DIP2B: variants seen among roughly 807,000 people sequenced by gnomAD.
The protein encoded by DIP2B is DIP2 acetate--CoA ligase B (putative).
DIP2B carries 76 observed loss-of-function variants against 198.0 expected under a neutral mutation model. That is an observed-to-expected ratio of 0.38 (90% CI 0.32 to 0.46). DIP2B has a LOEUF of 0.46. Among genes scored for constraint, DIP2B ranks in the 20% least tolerant of loss-of-function variants. DIP2B has a pLI of 0.99. For missense variants in DIP2B, 1,559 were observed against 1,978.4 expected (o/e 0.79, Z 4.02); for synonymous variants, 701 against 739.1 (o/e 0.95, Z 0.84).
intron 1 of DIP2B, among the ~76,000 whole-genome samples, chr12:50,575,600 C>A (rs550854461): frequency 5.1e-4 from 77 of 152,232 alleles, no homozygotes; most frequent in African/African-American, 1.7e-3. Context: ...TTCGCCCAGG[C>A]TAGTCTTGAA....
intron 1 of DIP2B, among the ~76,000 whole-genome samples, chr12:50,541,316 A>G (rs1371265309): frequency 6.6e-6 from 1 of 151,680 alleles, no homozygotes; most frequent in African/African-American, 2.4e-5. Context: ...TTTATCTAAT[A>G]TCAGTCACTC....
chr12:50,672,415 T>A (rs1174470752), intron 5 of DIP2B, among the ~76,000 whole-genome samples: 1 of 152,182 alleles, frequency 6.6e-6, no homozygotes, highest in East Asian at 1.9e-4. Flanking sequence ...TCACCACCTC[T>A]CCAGTCGTGG....
At chr12:50,678,400 C>CA (rs1009394206) in intron 7 of DIP2B, among the ~76,000 whole-genome samples, 16 of 152,156 alleles carry the variant, frequency 1.1e-4, no homozygotes, top group East Asian at 7.7e-4. Flanking sequence ...GAAATTGCTA[C>CA]AAAAAATGTA....
chr12:50,685,764 G>A, intron 10 of DIP2B, 69 bp from the exon 11 acceptor site: 1 of 1,502,724 alleles, frequency 6.7e-7, no homozygotes, highest in Non-Finnish European at 8.9e-7. Flanking sequence ...GCATTACTAA[G>A]TGTCAGATAT....
chr12:50,522,425 C>T (rs114970555), intron 1 of DIP2B, among the ~76,000 whole-genome samples: 1,804 of 152,254 alleles, frequency 0.012, 43 homozygotes, highest in African/African-American at 0.041. Flanking sequence ...AAGACGGGAA[C>T]CAGCCCTGGA....
chr12:50,560,576 AAAAT>A (rs933416033), intron 1 of DIP2B, among the ~76,000 whole-genome samples: 34 of 151,780 alleles, frequency 2.2e-4, no homozygotes, highest in Non-Finnish European at 4.4e-4. Flanking sequence ...AAAGCAAATA[AAAAT>A]AAATAAATAA....
At chr12:50,732,252 T>C in intron 31 of DIP2B, 114 bp from the exon 32 acceptor site, 1 of 1,150,134 alleles carries the variant, frequency 8.7e-7, no homozygotes, top group Non-Finnish European at 1.2e-6. Flanking sequence ...GTGCCTGAGG[T>C]GAGAATACAC....
intron 27 of DIP2B, 123 bp from the exon 28 acceptor site, chr12:50,724,650 CAT>C (rs968867784): frequency 1.4e-5 from 10 of 717,328 alleles, no homozygotes; most frequent in Non-Finnish European, 2.2e-5. Context: ...GTCTGTCTCA[CAT>C]GTGTTCTTTG....
intron 1 of DIP2B, among the ~76,000 whole-genome samples, chr12:50,586,876 A>T (rs1958775992): frequency 6.6e-6 from 1 of 152,196 alleles, no homozygotes; most frequent in Non-Finnish European, 1.5e-5. Flanking sequence ...CCCGGCAAAA[A>T]ATTTTTTTAA....
In DIP2B at chr12:50,721,317, A is replaced by T; in HGVS notation, c.3087A>T (p.Arg1029=). The change falls in exon 26 of 38, where the codon CGA becomes CGT. Residue 1029 remains arginine (R), a synonymous_variant. Transcript: ENST00000301180. ...CCAGCTGCCTTCAGCTTCATAAGCGAGCAGAGAGGATTGCATCTGTTCTTG... is the reference window on the plus strand; with the variant it reads ...CCAGCTGCCTTCAGCTTCATAAGCGTGCAGAGAGGATTGCATCTGTTCTTG... ...CTASCLQLHK[R]AERIASVLGD... is the part of the protein sequence containing the mutation. The T allele has an allele frequency of 6.2e-7, 1 of 1,614,188 alleles. No individual in the cohort carries two copies. Among genetic ancestry groups the T allele is most frequent in the Non-Finnish European group, 8.5e-7 (1 of 1,180,026 alleles).
chr12:50,620,900 C>T (rs971593057), intron 1 of DIP2B, among the ~76,000 whole-genome samples: 1 of 152,178 alleles, frequency 6.6e-6, no homozygotes, highest in Non-Finnish European at 1.5e-5. Context: ...CCAGCATACA[C>T]CAGACAGGAT....
intron 3 of DIP2B, among the ~76,000 whole-genome samples, chr12:50,652,496 A>G (rs538858002): frequency 6.6e-6 from 1 of 152,056 alleles, no homozygotes; most frequent in African/African-American, 2.4e-5. Flanking sequence ...AGATTACACC[A>G]TTGCACTCTA....
intron 5 of DIP2B, among the ~76,000 whole-genome samples, chr12:50,672,191 T>C (rs759219480): frequency 1.5e-4 from 23 of 152,186 alleles, no homozygotes; most frequent in Non-Finnish European, 2.9e-4. Context: ...TCACCTAATA[T>C]ATCTTTATTC....
chr12:50,553,466 A>G (rs1370131147), intron 1 of DIP2B, among the ~76,000 whole-genome samples: 2 of 152,188 alleles, frequency 1.3e-5, no homozygotes, highest in African/African-American at 4.8e-5. Context: ...CCTGAATGTA[A>G]CAAGAGACAG....
intron 1 of DIP2B, among the ~76,000 whole-genome samples, chr12:50,526,156 A>G (rs1462433145): frequency 6.6e-6 from 1 of 152,158 alleles, no homozygotes; most frequent in Non-Finnish European, 1.5e-5. Context: ...GAACAAATGG[A>G]CTTTGCAGGG....
At chr12:50,744,502 G>T in intron 37 of DIP2B, 85 bp from the exon 38 acceptor site, 1 of 1,564,378 alleles carries the variant, frequency 6.4e-7, no homozygotes, top group Non-Finnish European at 8.7e-7. Context: ...AGAAGGCGGG[G>T]AAATGGGCTA....
intron 14 of DIP2B, among the ~76,000 whole-genome samples, chr12:50,694,769 T>C (rs1939281315): frequency 1.3e-5 from 2 of 151,782 alleles, no homozygotes; most frequent in Non-Finnish European, 2.9e-5. Context: ...CTTGAAACAT[T>C]TTTTGTAGTA....
chr12:50,623,154 C>A (rs956022002), intron 1 of DIP2B, among the ~76,000 whole-genome samples: 2 of 151,794 alleles, frequency 1.3e-5, no homozygotes, highest in African/African-American at 2.4e-5. Context: ...GAGACCGAGA[C>A]GAGAGGATTG....
chr12:50,646,356 C>CAG (rs1938350761), intron 3 of DIP2B, among the ~76,000 whole-genome samples: 1 of 151,680 alleles, frequency 6.6e-6, no homozygotes, highest in Non-Finnish European at 1.5e-5. Context: ...CTCCTGACCT[C>CAG]GTGATCCGCC....
Sources: allele counts gnomAD v4.1 joint callset (sites outside exome capture counted in the v4.1 genomes callset), GRCh38; gene constraint gnomAD v4.1.1; transcripts MANE v1.5; gene names NCBI Gene and HGNC (gene_info 2026-07-23, HGNC 2026-07-21).